SND1: variants seen among roughly 807,000 people sequenced by gnomAD.
SND1 encodes the protein staphylococcal nuclease domain-containing protein 1.
SND1 carries 38 observed loss-of-function variants against 121.7 expected under a neutral mutation model. The observed-to-expected ratio is 0.31, with a 90% confidence interval of 0.24 to 0.41. The LOEUF (loss-of-function observed/expected upper bound fraction) is 0.41, where lower values mean the gene tolerates loss of function less well. SND1 is among the 10% of genes least tolerant of loss of function. SND1 has a pLI of 1.00. For missense variants in SND1, 868 were observed against 1,184.6 expected (o/e 0.73, Z 3.92); for synonymous variants, 401 against 447.4 (o/e 0.90, Z 1.31).
chr7:127,655,360 G>A (rs771162697), intron 1 of SND1, among the ~76,000 whole-genome samples: 21 of 152,184 alleles, frequency 1.4e-4, no homozygotes, highest in Non-Finnish European at 2.5e-4. Context: ...TTTAAAAAAC[G>A]AGGGTGATGT....
At chr7:127,994,625 T>C (rs1426659044) in intron 16 of SND1, among the ~76,000 whole-genome samples, 2 of 140,050 alleles carry the variant, frequency 1.4e-5, no homozygotes, top group Admixed American at 7.2e-5. Flanking sequence ...ACTCCGCTGG[T>C]ATTTAGGACA....
intron 10 of SND1, among the ~76,000 whole-genome samples, chr7:127,785,718 A>G (rs1584571143): frequency 6.6e-6 from 1 of 152,220 alleles, no homozygotes; most frequent in Non-Finnish European, 1.5e-5. Context: ...CTCAGTAGAT[A>G]TGAAATATCA....
chr7:127,918,727 T>G (rs1343340159), intron 14 of SND1, among the ~76,000 whole-genome samples: 1 of 152,202 alleles, frequency 6.6e-6, no homozygotes, highest in African/African-American at 2.4e-5. Context: ...ATGTTGGGGT[T>G]GTTTTATTGT....
intron 10 of SND1, among the ~76,000 whole-genome samples, chr7:127,758,040 A>G (rs1220448272): frequency 1.3e-5 from 2 of 152,212 alleles, no homozygotes; most frequent in Non-Finnish European, 2.9e-5. Flanking sequence ...CCTGACTCTC[A>G]GAGGAATACT....
At position 127,771,820 on chromosome 7, in the gene SND1, A is replaced by G. The variant is rs577755000; in HGVS notation, c.1153-35664A>G. On this transcript the variant is annotated intron_variant, in intron 10 of 23. Coordinates refer to ENST00000354725, the MANE Select transcript of SND1 (RefSeq NM_014390.4). ...TATGATACCTCTATTATACATCATT[A>G]TTTGGTTTTAACCCCCAACTCTCAT... Among the ~76,000 whole-genome samples, 11 of 152,310 alleles carry G rather than the reference A, an allele frequency of 7.2e-5. No homozygotes were observed. The South Asian group carries it at 2.3e-3, about 32-fold the overall frequency.
At chr7:127,861,213 T>C (rs1799372591) in intron 12 of SND1, among the ~76,000 whole-genome samples, 1 of 152,198 alleles carries the variant, frequency 6.6e-6, no homozygotes, top group Non-Finnish European at 1.5e-5. Flanking sequence ...CAACATAATA[T>C]TTTAAGAATT....
At chr7:127,839,287 A>G (rs1379417682) in intron 11 of SND1, among the ~76,000 whole-genome samples, 1 of 152,106 alleles carries the variant, frequency 6.6e-6, no homozygotes, top group Admixed American at 6.6e-5. Context: ...CAAGGTGTTT[A>G]TTTAGCTCTT....
In SND1 at chr7:127,824,400, T is replaced by C. The variant is rs566529471; in HGVS notation, c.1242+16827T>C. On this transcript the variant is annotated intron_variant, in intron 11 of 23. Coordinates refer to ENST00000354725, the MANE Select transcript of SND1 (RefSeq NM_014390.4). The stretch of plus-strand genomic sequence containing the variant: ...CATATTCCGTGATGTAGATGAAATC[T>C]GTTTTCTCTCCTTGTTCATTGGAGA... Among the ~76,000 whole-genome samples, 4 of 152,346 alleles carry C rather than the reference T, an allele frequency of 2.6e-5. No individual in the cohort carries two copies. In the South Asian group the frequency reaches 6.2e-4, roughly 24 times the overall value.
chr7:127,927,276 G>T (rs1239374320), intron 14 of SND1, among the ~76,000 whole-genome samples: 1 of 152,140 alleles, frequency 6.6e-6, no homozygotes, highest in Non-Finnish European at 1.5e-5. Flanking sequence ...GTCTATTTCT[G>T]AAAAATGTAA....
In SND1 at chr7:128,028,667, G is replaced by C. The variant is rs1223329980; in HGVS notation, c.1779+37611G>C. ...TTCTATTGCATTTTATAAGTTTTTT[G>C]GGGGAGGGGAGTCATATTTGAGTTT... On this transcript the variant is annotated intron_variant, in intron 16 of 23. Transcript: ENST00000354725. The C allele has an allele frequency of 4.4e-6, 7 of 1,595,224 alleles. No individual in the cohort carries two copies. In the Admixed American group the frequency reaches 7.0e-5, roughly 16 times the overall value.
intron 1 of SND1, among the ~76,000 whole-genome samples, chr7:127,665,237 A>C (rs1208500405): frequency 1.3e-5 from 2 of 151,030 alleles, no homozygotes; most frequent in East Asian, 3.9e-4. Flanking sequence ...CCCAGGCTGC[A>C]GTGCAGTGGC....
intron 16 of SND1, among the ~76,000 whole-genome samples, chr7:128,070,781 C>T (rs1325033760): frequency 6.6e-6 from 1 of 152,158 alleles, no homozygotes; most frequent in Non-Finnish European, 1.5e-5. Flanking sequence ...ATACAGTATA[C>T]AGTCGATCTT....
At chr7:128,006,730 G>A (rs539229624) in intron 16 of SND1, among the ~76,000 whole-genome samples, 1 of 152,346 alleles carries the variant, frequency 6.6e-6, no homozygotes, top group East Asian at 1.9e-4. Flanking sequence ...GTGGCATAAA[G>A]TGAGCCAATT....
chr7:128,063,954 G>A (rs539395342), intron 16 of SND1, among the ~76,000 whole-genome samples: 8 of 152,330 alleles, frequency 5.3e-5, no homozygotes, highest in African/African-American at 1.4e-4. Context: ...GCTCTGAGGC[G>A]CTTATTCTGT....
At chr7:127,680,354 A>G (rs897637354) in intron 1 of SND1, among the ~76,000 whole-genome samples, 3 of 152,188 alleles carry the variant, frequency 2.0e-5, no homozygotes, top group Non-Finnish European at 4.4e-5. Context: ...GGTCTGACCA[A>G]AATTTATTAG....
At chr7:127,709,405 A>C (rs565924094) in intron 9 of SND1, among the ~76,000 whole-genome samples, 1 of 152,330 alleles carries the variant, frequency 6.6e-6, no homozygotes, top group African/African-American at 2.4e-5. Flanking sequence ...TGAGGATCTT[A>C]GTACCCTGTC....
At chr7:127,844,986 A>G (rs549811868) in intron 12 of SND1, among the ~76,000 whole-genome samples, 4 of 152,350 alleles carry the variant, frequency 2.6e-5, no homozygotes, top group South Asian at 2.1e-4. Flanking sequence ...TGCTTCCCCA[A>G]TAAATATTAC....
intron 15 of SND1, among the ~76,000 whole-genome samples, chr7:127,987,481 T>G (rs1242231127): frequency 1.3e-5 from 2 of 152,234 alleles, no homozygotes; most frequent in African/African-American, 4.8e-5. Context: ...CAACGACAAC[T>G]GACTTTTTGG....
At chr7:128,004,449 G>C (rs1802912417) in intron 16 of SND1, among the ~76,000 whole-genome samples, 1 of 151,818 alleles carries the variant, frequency 6.6e-6, no homozygotes, top group Non-Finnish European at 1.5e-5. Context: ...TGGTAGAATA[G>C]GAGAACTGTT....
Sources: allele counts gnomAD v4.1 joint callset (sites outside exome capture counted in the v4.1 genomes callset), GRCh38; gene constraint gnomAD v4.1.1; transcripts MANE v1.5; gene names NCBI Gene and HGNC (gene_info 2026-07-23, HGNC 2026-07-21).